Variants in ZPBP observed in about 807,000 individuals in gnomAD.
ZPBP encodes the protein zona pellucida binding protein.
ZPBP carries 26 observed loss-of-function variants against 44.8 expected under a neutral mutation model. That is an observed-to-expected ratio of 0.58 (90% CI 0.43 to 0.81). The LOEUF (loss-of-function observed/expected upper bound fraction) is 0.81, where lower values mean the gene tolerates loss of function less well. Ranked by LOEUF, ZPBP falls within the 30% of genes least tolerant of loss-of-function variation. The pLI, the probability that ZPBP is intolerant of heterozygous loss-of-function variation, is 0.00. For missense variants in ZPBP, 409 were observed against 434.0 expected, an observed-to-expected ratio of 0.94 and a Z score of 0.51; for synonymous variants, 174 against 153.2, an observed-to-expected ratio of 1.14 and a Z score of -1.00.
At chr7:49,979,386 C>T (rs560320564) in intron 7 of ZPBP, among the ~76,000 whole-genome samples, 1 of 151,886 alleles carries the variant, frequency 6.6e-6, no homozygotes, top group Non-Finnish European at 1.5e-5. Flanking sequence ...TTCAGGAGCA[C>T]AAAACAGTAT....
At chr7:49,842,177 C>A in the ZPBP span, among the ~76,000 whole-genome samples, 8 of 152,218 alleles carry the variant, frequency 5.3e-5, no homozygotes, top group Admixed American at 4.6e-4. Context: ...CAATTCAACT[C>A]TTTTAAGTGA....
At chr7:49,959,715 C>T (rs940870413) in intron 7 of ZPBP, among the ~76,000 whole-genome samples, 5 of 152,058 alleles carry the variant, frequency 3.3e-5, no homozygotes, top group African/African-American at 1.2e-4. Flanking sequence ...ATTCAAATTA[C>T]AGTTGAACTC....
intron 5 of ZPBP, among the ~76,000 whole-genome samples, chr7:50,024,884 A>G (rs549141529): frequency 2.0e-5 from 3 of 152,008 alleles, no homozygotes; most frequent in African/African-American, 7.2e-5. Context: ...GATGTGAGAT[A>G]ATAGATATGT....
At chr7:50,075,289 T>G (rs531431728) in intron 3 of ZPBP, among the ~76,000 whole-genome samples, 1 of 151,900 alleles carries the variant, frequency 6.6e-6, no homozygotes, top group African/African-American at 2.4e-5. Flanking sequence ...AGAGAGAAAT[T>G]TATAGCTATT....
intron 3 of ZPBP, among the ~76,000 whole-genome samples, chr7:50,062,360 C>G (rs1046924903): frequency 1.3e-5 from 2 of 152,070 alleles, no homozygotes; most frequent in Non-Finnish European, 2.9e-5. Flanking sequence ...AGAGCTGGAA[C>G]AGCCAAAGTA....
chr7:50,005,319 T>C (rs1202333102), intron 6 of ZPBP, among the ~76,000 whole-genome samples: 1 of 151,972 alleles, frequency 6.6e-6, no homozygotes. Flanking sequence ...TATAAAAATA[T>C]AAAGTAATTC....
At chr7:49,861,442 TC>T (rs1790650407) in intron 2 of ZPBP, among the ~76,000 whole-genome samples, 1 of 152,216 alleles carries the variant, frequency 6.6e-6, no homozygotes, top group Non-Finnish European at 1.5e-5. Flanking sequence ...CTGTTTGCTG[TC>T]TTTTCACTGT....
At chr7:49,917,316 T>G (rs1793775869) in intron 1 of ZPBP, 1 of 152,208 alleles carries the variant, frequency 6.6e-6, no homozygotes. Flanking sequence ...AAGATTTGGC[T>G]AATTTTTAAA....
At chr7:49,855,288 G>T (rs1454372484) in intron 2 of ZPBP, among the ~76,000 whole-genome samples, 3 of 152,164 alleles carry the variant, frequency 2.0e-5, no homozygotes, top group African/African-American at 7.2e-5. Context: ...GGACGGTGTA[G>T]TCTCTTTCTT....
intron 6 of ZPBP, among the ~76,000 whole-genome samples, chr7:50,006,430 T>C (rs1798315264): frequency 6.6e-6 from 1 of 152,044 alleles, no homozygotes; most frequent in Non-Finnish European, 1.5e-5. Flanking sequence ...TTCCAATCAA[T>C]TTTCCGTTTC....
chr7:49,943,281 A>T (rs550636001), intron 7 of ZPBP: 19 of 277,108 alleles, frequency 6.9e-5, no homozygotes, highest in Non-Finnish European at 1.2e-4. Context: ...AGGGGTCTTA[A>T]TTTTTCCTAC....
At chr7:49,961,254 A>C (rs1240786894) in intron 7 of ZPBP, among the ~76,000 whole-genome samples, 1 of 152,198 alleles carries the variant, frequency 6.6e-6, no homozygotes, top group African/African-American at 2.4e-5. Flanking sequence ...AAAATGTGCT[A>C]TACCCATACA....
chr7:50,076,030 C>T (rs1273987998), intron 3 of ZPBP, among the ~76,000 whole-genome samples: 1 of 151,752 alleles, frequency 6.6e-6, no homozygotes, highest in Non-Finnish European at 1.5e-5. Context: ...CTGAATTCAA[C>T]AAAAGGTTAG....
chr7:49,946,569 A>G lies in ZPBP; in HGVS notation c.962-8947T>C, dbSNP rs115693335. On this transcript the variant is annotated intron_variant, in intron 7 of 7. Coordinates refer to ENST00000046087, the MANE Select transcript of ZPBP (RefSeq NM_007009.3). Reference sequence around the variant, plus strand: ...TTTCCACTGAGAAGTCTGCTCACAAATGTACTGGAGCTCCATTGTATGTTG... The same window carrying G: ...TTTCCACTGAGAAGTCTGCTCACAAGTGTACTGGAGCTCCATTGTATGTTG... Among the ~76,000 whole-genome samples, 1,150 of 152,186 alleles carry G rather than the reference A, an allele frequency of 7.6e-3. 24 individuals carry two copies. The highest frequency in any genetic ancestry group is 0.026 in the African/African-American group (1,090 of 41,524).
chr7:50,033,534 G>A (rs1276590647), intron 4 of ZPBP, among the ~76,000 whole-genome samples: 1 of 152,076 alleles, frequency 6.6e-6, no homozygotes, highest in Admixed American at 6.5e-5. Flanking sequence ...ATTCACTCAA[G>A]TACTACAGGT....
intron 3 of ZPBP, among the ~76,000 whole-genome samples, chr7:50,073,274 CAG>C (rs1470869722): frequency 6.6e-6 from 1 of 151,908 alleles, no homozygotes; most frequent in African/African-American, 2.4e-5. Flanking sequence ...AAGAATGCAT[CAG>C]AGTCCTTTAA....
intron 6 of ZPBP, among the ~76,000 whole-genome samples, chr7:49,987,574 A>G (rs1601031): frequency 0.02 from 3,116 of 152,242 alleles, 258 homozygotes; most frequent in Admixed American, 0.15. Flanking sequence ...CCTGTTTATT[A>G]GGCCCTGGAA....
At chr7:50,047,795 C>T (rs1483051345) in intron 4 of ZPBP, among the ~76,000 whole-genome samples, 3 of 152,104 alleles carry the variant, frequency 2.0e-5, no homozygotes, top group Non-Finnish European at 4.4e-5. Flanking sequence ...TCCCCCACAG[C>T]TTTCCTGAAT....
At chr7:49,909,861 T>G (rs1793310477) in intron 1 of ZPBP, among the ~76,000 whole-genome samples, 1 of 152,110 alleles carries the variant, frequency 6.6e-6, no homozygotes, top group South Asian at 2.1e-4. Flanking sequence ...CCCAGCACTT[T>G]GGGAGGTCAA....
Sources: allele counts gnomAD v4.1 joint callset (sites outside exome capture counted in the v4.1 genomes callset), GRCh38; gene constraint gnomAD v4.1.1; transcripts MANE v1.5; gene names NCBI Gene and HGNC (gene_info 2026-07-23, HGNC 2026-07-21).